BLTP1: variants seen among roughly 807,000 people sequenced by gnomAD.
BLTP1 encodes the protein bridge-like lipid transfer protein family member 1, also known as fragile site-associated protein.
chr4:122,258,948 G>A, the BLTP1 span: 2 of 615,606 alleles, frequency 3.2e-6, no homozygotes, highest in Non-Finnish European at 5.5e-6. Flanking sequence ...TATTCAGATA[G>A]CATTTTCGTG....
chr4:122,317,225 G>C, the BLTP1 span, among the ~76,000 whole-genome samples: 1 of 151,830 alleles, frequency 6.6e-6, no homozygotes, highest in Non-Finnish European at 1.5e-5. Flanking sequence ...CCTGCTACTC[G>C]GGAGGCTGAG....
chr4:122,287,475 A>G, the BLTP1 span: 4 of 508,052 alleles, frequency 7.9e-6, no homozygotes, highest in African/African-American at 8.3e-5. Context: ...CTCGAGACCT[A>G]GCTATCAACT....
the BLTP1 span, chr4:122,172,925 GATAAAGT>G: frequency 1.3e-6 from 2 of 1,567,024 alleles, no homozygotes; most frequent in African/African-American, 2.8e-5. Context: ...AAGAAAGCTG[GATAAAGT>G]ATAATCAACC....
chr4:122,187,231 A>G, the BLTP1 span: 11 of 976,834 alleles, frequency 1.1e-5, no homozygotes, highest in Non-Finnish European at 1.3e-5. Flanking sequence ...AAAAGTTGAT[A>G]TGATAAGAGT....
At chr4:122,158,584 G>A in the BLTP1 span, among the ~76,000 whole-genome samples, 1 of 152,010 alleles carries the variant, frequency 6.6e-6, no homozygotes, top group African/African-American at 2.4e-5. Flanking sequence ...TGGCTAACAC[G>A]GTGAAACCCC....
chr4:122,276,955 C>T, the BLTP1 span: 3 of 984,678 alleles, frequency 3.0e-6, no homozygotes, highest in South Asian at 1.4e-4. Context: ...AAATAATTGG[C>T]AAATTTTCTG....
At chr4:122,325,952 A>G in the BLTP1 span, 1 of 604,102 alleles carries the variant, frequency 1.7e-6, no homozygotes, top group South Asian at 2.0e-5. Context: ...TTTGCTTTAA[A>G]ACTAATCAAC....
chr4:122,206,418 C>T, the BLTP1 span, among the ~76,000 whole-genome samples: 5 of 151,868 alleles, frequency 3.3e-5, no homozygotes, highest in African/African-American at 9.6e-5. Context: ...CATACCTTTC[C>T]GGTAGGAGTG....
chr4:122,247,139 T>C, the BLTP1 span: 2 of 1,590,418 alleles, frequency 1.3e-6, no homozygotes, highest in Non-Finnish European at 1.7e-6. Context: ...AACATTTTAC[T>C]CTCTTTTTTT....
chr4:122,171,584 T>C, the BLTP1 span, among the ~76,000 whole-genome samples: 3 of 151,888 alleles, frequency 2.0e-5, no homozygotes, highest in Non-Finnish European at 2.9e-5. Flanking sequence ...TTCCTTTTAA[T>C]TCCCTGTTGG....
At chr4:122,349,144 T>C in the BLTP1 span, 1 of 1,599,196 alleles carries the variant, frequency 6.3e-7, no homozygotes, top group Non-Finnish European at 8.5e-7. This position sits in a 1 kb window ranked among gnomAD's most constrained non-coding sequence, Gnocchi z 4.5. Flanking sequence ...AATAACCTTT[T>C]TTTCATTTTT....
At chr4:122,199,544 A>T in the BLTP1 span, 2 of 1,064,896 alleles carry the variant, frequency 1.9e-6, no homozygotes, top group Non-Finnish European at 2.8e-6. Context: ...GGAAATCATC[A>T]AATGGTCCAT....
At chr4:122,333,675 A>C in the BLTP1 span, 4 of 1,611,254 alleles carry the variant, frequency 2.5e-6, no homozygotes, top group Non-Finnish European at 3.4e-6. Context: ...TTCACCTTCA[A>C]AAAAGAAGAA....
chr4:122,168,518 A>G, the BLTP1 span, among the ~76,000 whole-genome samples: 1 of 152,160 alleles, frequency 6.6e-6, no homozygotes, highest in Non-Finnish European at 1.5e-5. Flanking sequence ...ATTATGTAAT[A>G]TGTGAATATT....
At chr4:122,178,847 A>G in the BLTP1 span, among the ~76,000 whole-genome samples, 1 of 152,220 alleles carries the variant, frequency 6.6e-6, no homozygotes, top group African/African-American at 2.4e-5. Flanking sequence ...TGAATAAATA[A>G]TTGTTAAATT....
chr4:122,184,855 A>G, the BLTP1 span: 5 of 985,102 alleles, frequency 5.1e-6, no homozygotes, highest in Non-Finnish European at 4.8e-6. Context: ...TTATCTAATG[A>G]ACAGCTGCTC....
At chr4:122,230,359 A>G in the BLTP1 span, 4,426 of 654,486 alleles carry the variant, frequency 6.8e-3, 24 homozygotes, top group Non-Finnish European at 1.0e-2. Context: ...CAATGAATAT[A>G]TAAGGACCTG....
At chr4:122,224,979 T>C in the BLTP1 span, 2 of 1,071,316 alleles carry the variant, frequency 1.9e-6, no homozygotes, top group Non-Finnish European at 2.3e-6. Flanking sequence ...GTCATTAATA[T>C]ATTATTAAAA....
chr4:122,308,083 C>T, the BLTP1 span: 1 of 1,613,478 alleles, frequency 6.2e-7, no homozygotes, highest in Non-Finnish European at 8.5e-7. Context: ...AACATCAGCC[C>T]AGGCCTTTGG....
Sources: allele counts gnomAD v4.1 joint callset (sites outside exome capture counted in the v4.1 genomes callset), GRCh38; gene constraint gnomAD v4.1.1; non-coding constraint Gnocchi (gnomAD v3.1); transcripts MANE v1.5; gene names NCBI Gene and HGNC (gene_info 2026-07-23, HGNC 2026-07-21).